WHRN: variants seen among roughly 807,000 people sequenced by gnomAD.
The protein encoded by WHRN is CASK-interacting protein CIP98.
Under a neutral mutation model 68.3 loss-of-function variants are expected in WHRN, and 41 were observed. That is an observed-to-expected ratio of 0.60 (90% confidence interval 0.47 to 0.78). The LOEUF (loss-of-function observed/expected upper bound fraction) is 0.78, where lower values mean the gene tolerates loss of function less well. Ranked by LOEUF, WHRN falls within the 30% of genes least tolerant of loss-of-function variation. The probability of loss-of-function intolerance (pLI) is 0.00; values close to 1 mark genes in which losing one functional copy is unlikely to be tolerated. For synonymous variants in WHRN, 560 were observed against 561.3 expected (o/e 1.00, Z 0.03); for missense variants, 1,243 against 1,244.7 (o/e 1.00, Z 0.02).
At chr9:114,470,883 AG>A (rs1380167582) in intron 2 of WHRN, among the ~76,000 whole-genome samples, 1 of 151,096 alleles carries the variant, frequency 6.6e-6, no homozygotes, top group Non-Finnish European at 1.5e-5. Context: ...GAGAGCCAAG[AG>A]AAGCTTGGGC....
chr9:114,429,228 G>A (rs1018704076), intron 3 of WHRN, among the ~76,000 whole-genome samples: 4 of 152,190 alleles, frequency 2.6e-5, no homozygotes, highest in African/African-American at 7.2e-5. Flanking sequence ...ACCGCGCCCC[G>A]CCAGTGTCAG....
intron 1 of WHRN, 47 bp from the exon 2 acceptor site, chr9:114,478,818 G>T: frequency 1.3e-6 from 2 of 1,564,390 alleles, no homozygotes. Flanking sequence ...GGTGCCGGGG[G>T]TGTGGAGGAA....
chr9:114,504,243 G>C lies in WHRN; in HGVS notation c.559C>G (p.Gln187Glu). ...AEKEGLRVGD[Q>E]ILRVNDKSLA... ...GATTTGTCGTTGACGCGCAGAATCT[G>C]GTCCCCGACCCGCAGTCCTTCCTTC... The change falls in exon 1 of 12, where the codon CAG becomes GAG. Residue 187 changes from glutamine (Q) to glutamate (E), a missense_variant. Coordinates refer to ENST00000362057, the MANE Select transcript of WHRN (RefSeq NM_015404.4). The C allele has an allele frequency of 4.3e-6, 7 of 1,614,148 alleles. No homozygotes were observed. The highest frequency in any genetic ancestry group is 5.9e-6 in the Non-Finnish European group (7 of 1,180,030).
intron 3 of WHRN, among the ~76,000 whole-genome samples, chr9:114,440,628 A>C (rs916847755): frequency 1.3e-5 from 2 of 152,248 alleles, no homozygotes; most frequent in Non-Finnish European, 2.9e-5. Context: ...AATATAAACA[A>C]ACATTAAAAT....
chr9:114,418,696 G>A (rs576639870), intron 7 of WHRN, among the ~76,000 whole-genome samples: 2 of 152,314 alleles, frequency 1.3e-5, no homozygotes, highest in South Asian at 4.1e-4. Flanking sequence ...ACATGCAGCT[G>A]CTTCTGTTGG....
chr9:114,403,067 A>G (rs1834784863), intron 11 of WHRN, 131 bp from the exon 12 acceptor site: 2 of 1,534,668 alleles, frequency 1.3e-6, no homozygotes, highest in African/African-American at 2.7e-5. Flanking sequence ...CGGATTAGGA[A>G]AGCTGAGGCC....
chr9:114,488,053 G>A (rs992520978), intron 1 of WHRN, among the ~76,000 whole-genome samples: 5 of 152,174 alleles, frequency 3.3e-5, no homozygotes, highest in South Asian at 2.1e-4. Flanking sequence ...CTTAGGGTGC[G>A]AACTCCCTCA....
At chr9:114,444,804 A>G (rs1458587701) in intron 3 of WHRN, among the ~76,000 whole-genome samples, 2 of 151,760 alleles carry the variant, frequency 1.3e-5, no homozygotes, top group African/African-American at 4.8e-5. Flanking sequence ...TAATATATAT[A>G]TATATGCACA....
intron 3 of WHRN, among the ~76,000 whole-genome samples, chr9:114,433,066 G>A (rs1240436503): frequency 1.3e-5 from 2 of 152,208 alleles, no homozygotes; most frequent in Non-Finnish European, 2.9e-5. Flanking sequence ...GTCATTAAGA[G>A]CTGGGATCTG....
Position 114,461,071 on chromosome 9 carries a change from T to A in WHRN, c.963+5196A>T, listed in dbSNP as rs1033377569. ...GGAGGGGATTGAAGATAGAAAGGAC[T>A]TTACTGAAGGCGGGCATTTTATGAG... On this transcript the variant is annotated intron_variant, in intron 3 of 11. Transcript: ENST00000362057. 3.3e-5 allele frequency among the ~76,000 whole-genome samples: 5 copies of A among 152,184 alleles called. No homozygotes were observed. The South Asian group carries it at 1.0e-3, about 32-fold the overall frequency.
Position 114,426,367 on chromosome 9 carries a change from A to T in WHRN, c.1010T>A (p.Ile337Asn). ...CAGCCTGACAGCCTCGTCGTGTAGGATGTTGAGAAAGCTCCGCCCATTCAC... is the reference window on the plus strand; with the variant it reads ...CAGCCTGACAGCCTCGTCGTGTAGGTTGTTGAGAAAGCTCCGCCCATTCAC... ...LEVNGRSFLN[I>N]LHDEAVRLLK... is the part of the protein sequence containing the mutation. Residue 337 changes from isoleucine to asparagine, a missense_variant, in exon 4 of 12, where the codon ATC (isoleucine) becomes AAC (asparagine). Transcript: ENST00000362057. 6.2e-7 allele frequency: 1 copy of T among 1,610,974 alleles called. No homozygotes were observed. The highest frequency in any genetic ancestry group is 1.7e-5 in the Admixed American group (1 of 59,774).
In WHRN at chr9:114,406,781, T is replaced by C. The variant is rs373975842; in HGVS notation, c.1810A>G (p.Arg604Gly). The C allele has an allele frequency of 6.1e-5, 98 of 1,613,804 alleles. No homozygotes were observed. Among genetic ancestry groups the C allele is most frequent in the South Asian group, 1.8e-4 (16 of 91,054 alleles). ...GAGGAAGGTGGCTGGAGGTCCTCTC[T>C]CCCCAGCTTCCTTGGCTGGCCTAGT... ...LPLGQPRKLG[R>G]EDLQPPSSMP... Residue 604 changes from arginine (R) to glycine (G), a missense_variant, in exon 9 of 12, where the codon AGA becomes GGA. Coordinates refer to ENST00000362057, the MANE Select transcript of WHRN (RefSeq NM_015404.4).
At chr9:114,461,373 A>G (rs1840231729) in intron 3 of WHRN, among the ~76,000 whole-genome samples, 1 of 152,240 alleles carries the variant, frequency 6.6e-6, no homozygotes, top group Non-Finnish European at 1.5e-5. Context: ...GCATTCATAT[A>G]GAATACAGAT....
chr9:114,403,417 A>T, intron 10 of WHRN, 78 bp from the exon 11 acceptor site: 1 of 1,591,828 alleles, frequency 6.3e-7, no homozygotes, highest in Non-Finnish European at 8.6e-7. Context: ...GGGCCGTGAC[A>T]CCACCCTGGG....
chr9:114,442,886 A>G (rs1022423864), intron 3 of WHRN, among the ~76,000 whole-genome samples: 3 of 152,178 alleles, frequency 2.0e-5, no homozygotes, highest in Non-Finnish European at 4.4e-5. Context: ...GCACAAATAC[A>G]AGGGTATATG....
intron 1 of WHRN, among the ~76,000 whole-genome samples, chr9:114,497,534 GA>G (rs1335784116): frequency 1.2e-4 from 17 of 146,188 alleles, no homozygotes; most frequent in South Asian, 1.1e-3. Context: ...AAAAGAAAAG[GA>G]AAAAAAAAAG....
intron 2 of WHRN, among the ~76,000 whole-genome samples, chr9:114,474,677 T>C (rs1202272912): frequency 6.6e-6 from 1 of 152,158 alleles, no homozygotes; most frequent in Non-Finnish European, 1.5e-5. Flanking sequence ...ACCTCCCTTC[T>C]CTGCACACTA....
chr9:114,402,618 T>G lies in WHRN; in HGVS notation c.*136A>C, dbSNP rs1834757415. 1.2e-5 allele frequency: 13 copies of G among 1,105,800 alleles called. No individual in the cohort carries two copies. The highest frequency in any genetic ancestry group is 3.4e-5 in the Admixed American group (2 of 58,096). 68.5% of individuals were successfully genotyped at this position (1,105,800 alleles called of 1,614,324 possible). On this transcript the variant is annotated 3_prime_UTR_variant, in exon 12 of 12. Transcript: ENST00000362057. ...CTCTCCCAGTTCTGGTCCAGTGGGCTGGGATGGAGGGGGGATGTCTTCCTG... is the reference window on the plus strand; with the variant it reads ...CTCTCCCAGTTCTGGTCCAGTGGGCGGGGATGGAGGGGGGATGTCTTCCTG...
chr9:114,444,985 T>C (rs1419975020), intron 3 of WHRN, among the ~76,000 whole-genome samples: 1 of 152,048 alleles, frequency 6.6e-6, no homozygotes, highest in African/African-American at 2.4e-5. Context: ...TGTAGGGTTT[T>C]CTCTGTTTTC....
Sources: gnomAD v4.1 joint callset for allele counts (sites outside exome capture counted in the v4.1 genomes callset) on GRCh38, gnomAD v4.1.1 for gene constraint, MANE v1.5 for transcripts, NCBI Gene and HGNC (gene_info 2026-07-23, HGNC 2026-07-21) for gene names.